Variants in NFASC observed in about 807,000 individuals in gnomAD.
NFASC encodes the protein neurofascin, also known as neurofascin homolog.
Under a neutral mutation model 147.5 loss-of-function variants are expected in NFASC, and 43 were observed. The ratio of observed to expected loss-of-function variants is 0.29; its 90% confidence interval spans 0.23 to 0.38. The LOEUF (loss-of-function observed/expected upper bound fraction) is 0.38. Among genes scored for constraint, NFASC ranks in the 10% least tolerant of loss-of-function variants. NFASC has a pLI of 1.00. For synonymous variants in NFASC, 622 were observed against 665.5 expected (o/e 0.93, Z 1.01); for missense variants, 1,320 against 1,689.0 (o/e 0.78, Z 3.83).
chr1:204,942,187 A>G (rs1192742433), intron 2 of NFASC, among the ~76,000 whole-genome samples: 6 of 152,220 alleles, frequency 3.9e-5, no homozygotes, highest in Non-Finnish European at 7.3e-5. Context: ...ACAAAGTGAA[A>G]TGTGCCATAA....
chr1:204,976,863 G>GCC (rs773765643), intron 16 of NFASC, 68 bp downstream of exon 16: 1 of 1,571,998 alleles, frequency 6.4e-7, no homozygotes, highest in Non-Finnish European at 8.7e-7. Flanking sequence ...AGAAGCAGTG[G>GCC]CCCGGGGCAG....
chr1:204,874,017 A>G (rs920558682), intron 1 of NFASC, among the ~76,000 whole-genome samples: 7 of 152,194 alleles, frequency 4.6e-5, no homozygotes, highest in African/African-American at 1.7e-4. Context: ...TGGTTTCATC[A>G]TCTGTCAAGT....
chr1:204,876,192 G>A (rs1490000017), intron 1 of NFASC, among the ~76,000 whole-genome samples: 3 of 152,004 alleles, frequency 2.0e-5, no homozygotes, highest in Admixed American at 6.5e-5. Context: ...TCATTTTAGA[G>A]TACAGATGCG....
chr1:204,854,619 C>T (rs1274979247), intron 1 of NFASC, among the ~76,000 whole-genome samples: 1 of 152,194 alleles, frequency 6.6e-6, no homozygotes, highest in African/African-American at 2.4e-5. Context: ...GCTGGTTAGC[C>T]CTCTCCAGGG....
rs114011222 is a variant in NFASC, at chr1:204,853,799, C to G, written c.-200+25017C>G. ...GTGAATGAGTTTCTTAGCTGGGTTT[C>G]TCAAAACACCCCTTTCTGCCTGCTA... On this transcript the variant is annotated intron_variant, in intron 1 of 29. Coordinates refer to ENST00000339876, the MANE Select transcript of NFASC (RefSeq NM_001005388.3). 2.8e-3 allele frequency among the ~76,000 whole-genome samples: 423 copies of G among 152,298 alleles called. 3 individuals are homozygous for G. The highest frequency in any genetic ancestry group is 9.7e-3 in the African/African-American group (404 of 41,558).
At position 205,016,447 on chromosome 1, in the gene NFASC, C is replaced by T; in HGVS notation, c.3631C>T (p.Gln1211Ter). 1 of 1,614,114 alleles carries T rather than the reference C, an allele frequency of 6.2e-7. No homozygotes were observed. The highest frequency in any genetic ancestry group is 8.5e-7 in the Non-Finnish European group (1 of 1,180,012). ...QFNEDGSFIG[Q>*]YTVKKDKEET... ...CAATGAAGACGGCTCCTTCATCGGCCAGTACACGGTCAAAAAGGACAAGGA... is the reference window on the plus strand; with the variant it reads ...CAATGAAGACGGCTCCTTCATCGGCTAGTACACGGTCAAAAAGGACAAGGA... The change falls in exon 30 of 30, where the codon CAG becomes TAG. Residue 1211 changes from glutamine (Q) to a stop codon, truncating the protein, a stop_gained. Coordinates refer to ENST00000339876, the MANE Select transcript of NFASC (RefSeq NM_001005388.3). LOFTEE classifies it high-confidence loss of function. The surrounding 1 kb of genome is among the most constrained non-coding windows in gnomAD (Gnocchi z 5.1).
intron 1 of NFASC, among the ~76,000 whole-genome samples, chr1:204,912,424 T>C (rs1450518630): frequency 2.0e-5 from 3 of 152,146 alleles, no homozygotes; most frequent in Non-Finnish European, 4.4e-5. Flanking sequence ...AGCCAGGCAT[T>C]GTGGCTCATG....
At chr1:204,900,654 TAAGC>T (rs1429891152) in intron 1 of NFASC, among the ~76,000 whole-genome samples, 3 of 152,092 alleles carry the variant, frequency 2.0e-5, no homozygotes, top group Non-Finnish European at 4.4e-5. Flanking sequence ...AGGTATAAAT[TAAGC>T]AGGCAGGGGA....
At chr1:204,830,659 G>T (rs1018798119) in intron 1 of NFASC, among the ~76,000 whole-genome samples, 1 of 138,614 alleles carries the variant, frequency 7.2e-6, no homozygotes, top group African/African-American at 2.6e-5. Context: ...TGTGTGTATA[G>T]AGAGAGAGAG....
intron 1 of NFASC, among the ~76,000 whole-genome samples, chr1:204,877,790 G>A (rs111907009): frequency 2.6e-5 from 4 of 152,158 alleles, no homozygotes; most frequent in African/African-American, 9.6e-5. Context: ...ATATCTATTC[G>A]GGTCATTATG....
chr1:204,879,150 T>C (rs927475151), intron 1 of NFASC, among the ~76,000 whole-genome samples: 31 of 152,264 alleles, frequency 2.0e-4, no homozygotes, highest in Non-Finnish European at 3.4e-4. Flanking sequence ...AACATTTTTA[T>C]TTTGTAAATG....
chr1:205,014,671 C>T (rs1048757973), intron 29 of NFASC, among the ~76,000 whole-genome samples: 9 of 152,134 alleles, frequency 5.9e-5, no homozygotes, highest in Non-Finnish European at 1.2e-4. Context: ...CTAGATCCCC[C>T]GTCCCCTCAA....
At chr1:204,881,962 C>G (rs960874651) in intron 1 of NFASC, among the ~76,000 whole-genome samples, 2 of 152,032 alleles carry the variant, frequency 1.3e-5, no homozygotes, top group Non-Finnish European at 2.9e-5. Context: ...GAATCCTGTT[C>G]GGTCTGTTTA....
chr1:204,886,832 T>C (rs939408515), intron 1 of NFASC, among the ~76,000 whole-genome samples: 1 of 152,198 alleles, frequency 6.6e-6, no homozygotes, highest in African/African-American at 2.4e-5. Flanking sequence ...GGTTGAAGAC[T>C]TCTTAGCATG....
chr1:204,995,825 T>G (rs2095836146), intron 24 of NFASC, among the ~76,000 whole-genome samples: 1 of 152,090 alleles, frequency 6.6e-6, no homozygotes, highest in Non-Finnish European at 1.5e-5. Flanking sequence ...ATTCTTTCTC[T>G]GGCATCCCTC....
intron 3 of NFASC, among the ~76,000 whole-genome samples, chr1:204,947,928 ACACT>A (rs1214197587): frequency 3.3e-5 from 5 of 151,876 alleles, no homozygotes; most frequent in Non-Finnish European, 7.4e-5. Context: ...ACACCCACTC[ACACT>A]CACACCCTCA....
At chr1:204,858,652 C>G (rs1224046211) in intron 1 of NFASC, among the ~76,000 whole-genome samples, 1 of 152,208 alleles carries the variant, frequency 6.6e-6, no homozygotes, top group African/African-American at 2.4e-5. Flanking sequence ...TCCCTCCGCT[C>G]CCCCTCCTGC....
chr1:204,926,109 T>A (rs1422869024), intron 2 of NFASC, among the ~76,000 whole-genome samples: 3 of 151,844 alleles, frequency 2.0e-5, no homozygotes, highest in African/African-American at 2.4e-5. Flanking sequence ...TTTTTTTTTT[T>A]AATTAACCAA....
intron 1 of NFASC, among the ~76,000 whole-genome samples, chr1:204,901,960 A>G (rs925339050): frequency 2.6e-5 from 4 of 152,196 alleles, no homozygotes; most frequent in Non-Finnish European, 5.9e-5. Flanking sequence ...TGTTTTCTCA[A>G]TCAAAGAATA....
Sources: allele counts gnomAD v4.1 joint callset (sites outside exome capture counted in the v4.1 genomes callset), GRCh38; gene constraint gnomAD v4.1.1; non-coding constraint Gnocchi (gnomAD v3.1); transcripts MANE v1.5; gene names NCBI Gene and HGNC (gene_info 2026-07-23, HGNC 2026-07-21).